Variants in ERBB4 observed in about 807,000 individuals in gnomAD.
The protein encoded by ERBB4 is erb-b2 receptor tyrosine kinase 4, also known as receptor tyrosine-protein kinase erbB-4.
In ERBB4, 42 loss-of-function variants were observed where a neutral mutation model predicts 158.0. The ratio of observed to expected loss-of-function variants is 0.27; its 90% CI spans 0.21 to 0.34. The LOEUF (loss-of-function observed/expected upper bound fraction) is 0.34, where lower values mean the gene tolerates loss of function less well. ERBB4 is among the 10% of genes least tolerant of loss of function. The pLI, the probability that ERBB4 is intolerant of heterozygous loss-of-function variation, is 1.00. For synonymous variants in ERBB4, 583 were observed against 558.7 expected, an observed-to-expected ratio of 1.04 and a Z score of -0.61; for missense variants, 1,333 against 1,624.1, an observed-to-expected ratio of 0.82 and a Z score of 3.08.
chr2:211,931,663 ACT>A (rs1438561481), intron 3 of ERBB4, among the ~76,000 whole-genome samples: 2 of 152,040 alleles, frequency 1.3e-5, no homozygotes. Flanking sequence ...GTAATTGAAA[ACT>A]CAGTGCAAAA....
intron 11 of ERBB4, 146 bp downstream of exon 11, chr2:211,703,958 T>C: frequency 1.4e-6 from 1 of 696,238 alleles, no homozygotes; most frequent in South Asian, 1.6e-5. Flanking sequence ...GGAGGTATTT[T>C]TATTGAGCTT....
intron 3 of ERBB4, among the ~76,000 whole-genome samples, chr2:211,934,816 A>AT: frequency 6.6e-6 from 1 of 151,928 alleles, no homozygotes; most frequent in Admixed American, 6.6e-5. Context: ...GCCTGATAGC[A>AT]TACTTTTCAA....
chr2:212,310,843 C>T (rs1261134162), intron 1 of ERBB4, among the ~76,000 whole-genome samples: 3 of 148,876 alleles, frequency 2.0e-5, no homozygotes, highest in Non-Finnish European at 3.0e-5. Context: ...AATGTTCTCG[C>T]AGTCACCATT....
intron 25 of ERBB4, among the ~76,000 whole-genome samples, chr2:211,396,411 A>G (rs375367120): frequency 3.2e-4 from 49 of 152,314 alleles, no homozygotes; most frequent in African/African-American, 1.1e-3. Flanking sequence ...AGTTCTACTT[A>G]GAAATATTTG....
intron 19 of ERBB4, among the ~76,000 whole-genome samples, chr2:211,603,162 C>T (rs749406928): frequency 1.2e-4 from 18 of 151,996 alleles, no homozygotes; most frequent in Non-Finnish European, 2.4e-4. Context: ...ACCCGGGAGG[C>T]GGAGGTTGCA....
chr2:211,802,180 A>C (rs35735966), intron 3 of ERBB4, among the ~76,000 whole-genome samples: 26,807 of 151,854 alleles, frequency 0.18, 2,575 homozygotes, highest in Admixed American at 0.27. Context: ...AATGGCAGAA[A>C]CTCGGGAGGC....
At chr2:211,509,512 A>G (rs1383069876) in intron 20 of ERBB4, among the ~76,000 whole-genome samples, 2 of 152,088 alleles carry the variant, frequency 1.3e-5, no homozygotes, top group African/African-American at 4.8e-5. Context: ...AAATCTAGGA[A>G]ATACCATTCT....
chr2:212,064,195 A>G (rs1387567285), intron 2 of ERBB4, among the ~76,000 whole-genome samples: 1 of 152,182 alleles, frequency 6.6e-6, no homozygotes, highest in Non-Finnish European at 1.5e-5. Flanking sequence ...ACTATTATTT[A>G]CAAAGGCCTG....
chr2:211,800,197 C>G (rs1440654842), intron 3 of ERBB4, among the ~76,000 whole-genome samples: 3 of 152,170 alleles, frequency 2.0e-5, no homozygotes, highest in Non-Finnish European at 4.4e-5. Context: ...GGCTCCACAG[C>G]CCCATTGTTA....
intron 14 of ERBB4, among the ~76,000 whole-genome samples, chr2:211,667,310 A>T (rs921382961): frequency 2.0e-5 from 3 of 152,108 alleles, no homozygotes; most frequent in Admixed American, 2.0e-4. Context: ...TTTAAAATTT[A>T]AAAATGGAGG....
chr2:211,992,952 AAAG>A (rs1361158151), intron 2 of ERBB4, among the ~76,000 whole-genome samples: 1 of 152,224 alleles, frequency 6.6e-6, no homozygotes, highest in Non-Finnish European at 1.5e-5. Context: ...TTTAAAAGGA[AAAG>A]AACAGTAATA....
At chr2:211,589,780 A>C (rs2068405039) in intron 19 of ERBB4, among the ~76,000 whole-genome samples, 1 of 152,154 alleles carries the variant, frequency 6.6e-6, no homozygotes, top group Admixed American at 6.5e-5. Flanking sequence ...CTATTGTAAA[A>C]ATGATTACAA....
chr2:212,453,944 C>A (rs1197631803), intron 1 of ERBB4, among the ~76,000 whole-genome samples: 1 of 145,546 alleles, frequency 6.9e-6, no homozygotes, highest in East Asian at 2.0e-4. Flanking sequence ...TATTCCTTAA[C>A]TTTTTTTTTT....
chr2:211,665,577 A>G, intron 14 of ERBB4, 100 bp from the exon 15 acceptor site: 1 of 1,102,354 alleles, frequency 9.1e-7, no homozygotes, highest in South Asian at 1.3e-5. Context: ...AGTAGGTGGC[A>G]AATCTTCCTC....
chr2:212,067,710 G>A (rs140016108), intron 2 of ERBB4, among the ~76,000 whole-genome samples: 180 of 152,082 alleles, frequency 1.2e-3, no homozygotes, highest in African/African-American at 4.0e-3. Context: ...TCTCAGCATT[G>A]TCAGAACAAG....
intron 3 of ERBB4, among the ~76,000 whole-genome samples, chr2:211,914,869 G>A (rs1042024488): frequency 6.6e-6 from 1 of 151,974 alleles, no homozygotes; most frequent in African/African-American, 2.4e-5. Flanking sequence ...ATTTTATGGA[G>A]GGGAAAGCAG....
At position 212,005,655 on chromosome 2, in the gene ERBB4, T is replaced by C. The variant is rs572514350; in HGVS notation, c.235-58039A>G. 5.3e-5 allele frequency among the ~76,000 whole-genome samples: 8 copies of C among 152,266 alleles called. No homozygotes were observed. In the South Asian group the frequency reaches 1.5e-3, roughly 28 times the overall value. ...ATATTGTAGGAACACTATATGTAGT[T>C]CAGAAAAGCCTCTTGTAGGAAAGCA... On this transcript the variant is annotated intron_variant, in intron 2 of 27. Coordinates refer to ENST00000342788, the MANE Select transcript of ERBB4 (RefSeq NM_005235.3).
At chr2:211,469,109 T>G (rs999480518) in intron 20 of ERBB4, among the ~76,000 whole-genome samples, 2 of 152,046 alleles carry the variant, frequency 1.3e-5, no homozygotes, top group African/African-American at 4.8e-5. Flanking sequence ...AGGGAAACTC[T>G]GCTCGTAAGC....
At chr2:211,673,326 CT>C in intron 13 of ERBB4, 69 bp from the exon 14 acceptor site, 2 of 1,088,060 alleles carry the variant, frequency 1.8e-6, no homozygotes, top group Non-Finnish European at 2.8e-6. Context: ...GAAGTAACAT[CT>C]GCTAAAAGTC....
Sources: gnomAD v4.1 joint callset for allele counts (sites outside exome capture counted in the v4.1 genomes callset) on GRCh38, gnomAD v4.1.1 for gene constraint, MANE v1.5 for transcripts, NCBI Gene and HGNC (gene_info 2026-07-23, HGNC 2026-07-21) for gene names.